The following SLC25A48 variants were observed in gnomAD, a reference collection of about 807,000 sequenced individuals.
SLC25A48 encodes solute carrier family 25 member 48.
SLC25A48 carries 29 observed loss-of-function variants against 32.2 expected under a neutral mutation model. That is an observed-to-expected ratio of 0.90 (90% CI 0.67 to 1.23). SLC25A48 has a LOEUF of 1.23. Ranked by LOEUF, SLC25A48 falls within the 50% of genes most tolerant of loss-of-function variation. SLC25A48 has a pLI of 0.00. For synonymous variants in SLC25A48, 164 were observed against 172.3 expected (o/e 0.95, Z 0.38); for missense variants, 399 against 422.7 (o/e 0.94, Z 0.49).
intron 3 of SLC25A48, among the ~76,000 whole-genome samples, chr5:135,717,575 GTCCTTT>G (rs1561461552): frequency 6.6e-6 from 1 of 152,224 alleles, no homozygotes. Context: ...AATAACTGGT[GTCCTTT>G]TATTAGAGAA....
intron 3 of SLC25A48, among the ~76,000 whole-genome samples, chr5:135,732,263 G>T (rs1755244212): frequency 6.7e-6 from 1 of 150,002 alleles, no homozygotes. Flanking sequence ...CTGAGAAACT[G>T]CTTGGGTGAT....
chr5:135,648,125 G>A (rs530872388), intron 3 of SLC25A48, among the ~76,000 whole-genome samples: 26 of 152,292 alleles, frequency 1.7e-4, no homozygotes, highest in African/African-American at 6.3e-4. Flanking sequence ...CCAAATTAGT[G>A]CAGAGTTTGA....
chr5:135,732,252 C>T (rs1466712299), intron 3 of SLC25A48, among the ~76,000 whole-genome samples: 1 of 152,120 alleles, frequency 6.6e-6, no homozygotes, highest in Admixed American at 6.6e-5. Flanking sequence ...ATACCAACAG[C>T]CTGAGAAACT....
chr5:135,818,784 C>G (rs925689894), intron 4 of SLC25A48, among the ~76,000 whole-genome samples: 3 of 152,018 alleles, frequency 2.0e-5, no homozygotes, highest in African/African-American at 7.3e-5. Flanking sequence ...GAATTATCAT[C>G]AAAGACTTCA....
intron 3 of SLC25A48, among the ~76,000 whole-genome samples, chr5:135,799,436 G>A (rs1757267409): frequency 6.6e-6 from 1 of 151,314 alleles, no homozygotes; most frequent in Non-Finnish European, 1.5e-5. Context: ...GGGGGGAGAA[G>A]ATAATGTGAC....
At chr5:135,638,986 C>A (rs1414222048) in intron 3 of SLC25A48, among the ~76,000 whole-genome samples, 2 of 152,168 alleles carry the variant, frequency 1.3e-5, no homozygotes, top group Non-Finnish European at 2.9e-5. Context: ...CCTTCTTCTT[C>A]TAACTAAATG....
At chr5:135,751,563 G>C (rs987550311) in intron 3 of SLC25A48, among the ~76,000 whole-genome samples, 2 of 152,196 alleles carry the variant, frequency 1.3e-5, no homozygotes, top group African/African-American at 4.8e-5. Context: ...GTCAGGTGCA[G>C]TGGCTCACAC....
At chr5:135,655,257 C>T (rs1210166135) in intron 3 of SLC25A48, among the ~76,000 whole-genome samples, 2 of 152,166 alleles carry the variant, frequency 1.3e-5, no homozygotes, top group Admixed American at 6.5e-5. Context: ...ATTGGCTGTT[C>T]TGAGGGGCCA....
At chr5:135,822,585 C>T (rs555012324) in intron 4 of SLC25A48, among the ~76,000 whole-genome samples, 3 of 152,266 alleles carry the variant, frequency 2.0e-5, no homozygotes, top group East Asian at 3.9e-4. Flanking sequence ...TTTCCCTCAT[C>T]TTATAGGGAC....
rs5871579 is a variant in SLC25A48 at position 135,725,881 on chromosome 5, CA to C, written c.-520-86631del. ...TTTACCTTAGGAACGCTAGGGTTTT[CA>C]AAAAAAAAAACTCCACTGTGGTTAT... On this transcript the variant is annotated intron_variant, in intron 3 of 10. Coordinates refer to the SLC25A48 transcript ENST00000646290. 6.7e-5 allele frequency among the ~76,000 whole-genome samples: 10 copies of C among 149,628 alleles called. 1 individual carries two copies. The highest frequency in any genetic ancestry group is 2.1e-4 in the South Asian group (1 of 4,724).
chr5:135,801,862 GA>G (rs1485985962), intron 3 of SLC25A48, among the ~76,000 whole-genome samples: 1 of 151,630 alleles, frequency 6.6e-6, no homozygotes, highest in Non-Finnish European at 1.5e-5. Context: ...GGGGGGCGGG[GA>G]TGATATTACT....
At chr5:135,802,187 C>T (rs1351903739) in intron 3 of SLC25A48, among the ~76,000 whole-genome samples, 1 of 151,682 alleles carries the variant, frequency 6.6e-6, no homozygotes, top group Non-Finnish European at 1.5e-5. Flanking sequence ...TGACTACACC[C>T]TGTTATACTA....
At chr5:135,625,710 G>C (rs1396439) in intron 1 of SLC25A48, among the ~76,000 whole-genome samples, 4 of 152,044 alleles carry the variant, frequency 2.6e-5, no homozygotes, top group African/African-American at 9.7e-5. Flanking sequence ...GGCCTTCTGA[G>C]GTGCCCCCAG....
intron 3 of SLC25A48, among the ~76,000 whole-genome samples, chr5:135,714,043 C>A (rs888409456): frequency 6.6e-6 from 1 of 152,198 alleles, no homozygotes; most frequent in African/African-American, 2.4e-5. Flanking sequence ...AATGGTCTCC[C>A]GGTTGTGAGA....
At chr5:135,669,822 T>A (rs1015454249) in intron 3 of SLC25A48, among the ~76,000 whole-genome samples, 2 of 152,192 alleles carry the variant, frequency 1.3e-5, no homozygotes, top group African/African-American at 4.8e-5. Context: ...TGCCCGAGGC[T>A]GAGGGATGAG....
At chr5:135,635,151 T>C (rs1402380149) in intron 3 of SLC25A48, among the ~76,000 whole-genome samples, 1 of 152,192 alleles carries the variant, frequency 6.6e-6, no homozygotes, top group Non-Finnish European at 1.5e-5. Flanking sequence ...ATTGTGACTC[T>C]GCCCTCTGGC....
chr5:135,837,944 G>A (rs564800059), intron 1 of SLC25A48, among the ~76,000 whole-genome samples: 1 of 152,330 alleles, frequency 6.6e-6, no homozygotes, highest in South Asian at 2.1e-4. Flanking sequence ...TTGGAACTGG[G>A]TAACAGGCAG....
intron 3 of SLC25A48, among the ~76,000 whole-genome samples, chr5:135,656,854 C>A (rs1442648983): frequency 1.3e-5 from 2 of 152,156 alleles, no homozygotes; most frequent in African/African-American, 4.8e-5. Flanking sequence ...GGAAGAATGC[C>A]CCACATGTTT....
At chr5:135,721,082 C>T (rs1372495851) in intron 3 of SLC25A48, among the ~76,000 whole-genome samples, 1 of 151,658 alleles carries the variant, frequency 6.6e-6, no homozygotes, top group Non-Finnish European at 1.5e-5. Flanking sequence ...CTCTCTGTCG[C>T]CCAGGCTGGA....
Sources: gnomAD v4.1 joint callset for allele counts (sites outside exome capture counted in the v4.1 genomes callset) on GRCh38, gnomAD v4.1.1 for gene constraint, MANE v1.5 for transcripts, NCBI Gene and HGNC (gene_info 2026-07-23, HGNC 2026-07-21) for gene names.